The following MAP3K7CL variants were observed in gnomAD, a reference collection of about 807,000 sequenced individuals.
The protein encoded by MAP3K7CL is MAP3K7 C-terminal-like protein.
MAP3K7CL carries 16 observed loss-of-function variants against 18.6 expected under a neutral mutation model. The observed-to-expected ratio is 0.86, with a 90% confidence interval of 0.58 to 1.31. The LOEUF (loss-of-function observed/expected upper bound fraction) is 1.31. Ranked by LOEUF, MAP3K7CL falls within the 50% of genes most tolerant of loss-of-function variation. The probability of loss-of-function intolerance (pLI) is 0.00; values close to 1 mark genes in which losing one functional copy is unlikely to be tolerated. For synonymous variants in MAP3K7CL, 65 were observed against 66.8 expected, an observed-to-expected ratio of 0.97 and a Z score of 0.13; for missense variants, 163 against 174.4, an observed-to-expected ratio of 0.93 and a Z score of 0.37.
upstream of MAP3K7CL, among the ~76,000 whole-genome samples, chr21:29,125,710 G>C (rs2086670103): frequency 6.6e-6 from 1 of 152,172 alleles, no homozygotes; most frequent in Non-Finnish European, 1.5e-5. Flanking sequence ...CCTACGAGAA[G>C]GTTTGAGAAG....
chr21:29,100,822 C>G (rs1261830808), intron 4 of MAP3K7CL, among the ~76,000 whole-genome samples: 1 of 148,776 alleles, frequency 6.7e-6, no homozygotes, highest in Non-Finnish European at 1.5e-5. Context: ...CCACCATTCT[C>G]CTGCCTCAGC....
At chr21:29,098,575 C>T (rs971070720) in intron 4 of MAP3K7CL, among the ~76,000 whole-genome samples, 10 of 152,172 alleles carry the variant, frequency 6.6e-5, no homozygotes, top group Non-Finnish European at 1.0e-4. Flanking sequence ...TTCAAAGAAG[C>T]GATCTTCTTT....
chr21:29,143,235 T>G (rs1192620437), intron 2 of MAP3K7CL, among the ~76,000 whole-genome samples: 1 of 152,176 alleles, frequency 6.6e-6, no homozygotes, highest in Middle Eastern at 3.2e-3. Context: ...GGGCGGGCTC[T>G]GTGTGATCAC....
At chr21:29,109,721 C>T in intron 4 of MAP3K7CL, 1 of 985,894 alleles carries the variant, frequency 1.0e-6, no homozygotes, top group Non-Finnish European at 1.2e-6. Context: ...AAACCTTATA[C>T]AAACAGTTAT....
At chr21:29,110,421 G>A (rs1361429301) in intron 4 of MAP3K7CL, among the ~76,000 whole-genome samples, 1 of 151,378 alleles carries the variant, frequency 6.6e-6, no homozygotes, top group Non-Finnish European at 1.5e-5. Context: ...TTTTGAGGCA[G>A]GGTCTCTATC....
At chr21:29,111,137 T>G (rs2086412797) in intron 4 of MAP3K7CL, among the ~76,000 whole-genome samples, 1 of 152,010 alleles carries the variant, frequency 6.6e-6, no homozygotes, top group African/African-American at 2.4e-5. Context: ...GTGCCTGTAG[T>G]CCCAGCTACT....
At chr21:29,102,111 C>G (rs1242026447) in intron 4 of MAP3K7CL, among the ~76,000 whole-genome samples, 2 of 152,242 alleles carry the variant, frequency 1.3e-5, no homozygotes, top group African/African-American at 4.8e-5. Flanking sequence ...ACATGAATCA[C>G]ATTGTGGGGA....
At chr21:29,124,753 T>C (rs978862744) in intron 4 of MAP3K7CL, among the ~76,000 whole-genome samples, 3 of 152,228 alleles carry the variant, frequency 2.0e-5, no homozygotes, top group African/African-American at 7.2e-5. Context: ...TTATATGAAA[T>C]TCTAATATCA....
chr21:29,085,545 T>TAAAAAAAAA (rs33938293), upstream of MAP3K7CL, among the ~76,000 whole-genome samples: 1 of 48,988 alleles, frequency 2.0e-5, no homozygotes, highest in Non-Finnish European at 3.6e-5. Context: ...AGACTCTGTC[T>TAAAAAAAAA]AAAAAAAAAA....
At chr21:29,140,376 G>C (rs993365750) in intron 2 of MAP3K7CL, among the ~76,000 whole-genome samples, 8 of 152,208 alleles carry the variant, frequency 5.3e-5, no homozygotes, top group Non-Finnish European at 1.2e-4. Context: ...CTAAGGAGTA[G>C]TGCTTTTACT....
rs1015719799 is a variant in MAP3K7CL at position 29,175,832 on chromosome 21, A to G, written c.*940A>G. 1.3e-5 allele frequency: 2 copies of G among 152,200 alleles called. No individual in the cohort carries two copies. The highest frequency in any genetic ancestry group is 4.8e-5 in the African/African-American group (2 of 41,450). The allele number at this position is 152,200 out of a possible 1,614,324, so 9.4% of individuals were successfully genotyped here. A position where few individuals can be genotyped will look rare whatever the true frequency, so the allele number is the denominator to read the frequency against. On this transcript the variant is annotated 3_prime_UTR_variant, in exon 5 of 5. Coordinates refer to ENST00000399928, the MANE Select transcript of MAP3K7CL (RefSeq NM_001286620.2). ...ATTTTCTCAAATTGAACTCTTTGTTATATGTCCATTTCTATTCATGTAACT... is the reference window on the plus strand; with the variant it reads ...ATTTTCTCAAATTGAACTCTTTGTTGTATGTCCATTTCTATTCATGTAACT...
chr21:29,160,952 G>A (rs994352301), intron 4 of MAP3K7CL, among the ~76,000 whole-genome samples: 9 of 152,164 alleles, frequency 5.9e-5, no homozygotes, highest in African/African-American at 1.2e-4. Context: ...TATATATCAC[G>A]TGTCACCCTA....
At chr21:29,164,439 A>T (rs1307669380) in intron 4 of MAP3K7CL, among the ~76,000 whole-genome samples, 1 of 152,256 alleles carries the variant, frequency 6.6e-6, no homozygotes, top group African/African-American at 2.4e-5. Context: ...AGAGACGCTA[A>T]CTAAGGTATT....
intron 2 of MAP3K7CL, among the ~76,000 whole-genome samples, chr21:29,145,227 ATGTACT>A (rs1282253320): frequency 6.6e-6 from 1 of 152,178 alleles, no homozygotes; most frequent in African/African-American, 2.4e-5. Flanking sequence ...TTTAATAAAA[ATGTACT>A]TGTGCTGTGA....
intron 2 of MAP3K7CL, among the ~76,000 whole-genome samples, chr21:29,138,259 C>G (rs1298775339): frequency 6.6e-6 from 1 of 152,184 alleles, no homozygotes; most frequent in Non-Finnish European, 1.5e-5. Flanking sequence ...AATGGTAATT[C>G]CCAGAGGCAG....
At chr21:29,141,427 C>T (rs893685248) in intron 2 of MAP3K7CL, among the ~76,000 whole-genome samples, 1 of 151,588 alleles carries the variant, frequency 6.6e-6, no homozygotes, top group Non-Finnish European at 1.5e-5. Flanking sequence ...GCAGGAGAAT[C>T]GCTTGAACCT....
intron 4 of MAP3K7CL, among the ~76,000 whole-genome samples, chr21:29,103,963 AT>A (rs11441509): frequency 2.0e-5 from 3 of 150,744 alleles, no homozygotes; most frequent in South Asian, 2.1e-4. Context: ...TTTTGGAGTA[AT>A]TTTTTTTTTC....
chr21:29,167,541 T>G (rs1165649142), intron 4 of MAP3K7CL, among the ~76,000 whole-genome samples: 1 of 50,264 alleles, frequency 2.0e-5, no homozygotes, highest in African/African-American at 1.3e-4. Context: ...ATTTTAAGTT[T>G]TTTTTTTTAT....
intron 4 of MAP3K7CL, among the ~76,000 whole-genome samples, chr21:29,097,545 T>C (rs980559842): frequency 1.3e-5 from 2 of 152,136 alleles, no homozygotes; most frequent in Non-Finnish European, 2.9e-5. Context: ...AATGATTACT[T>C]CAGTTCTTAG....
Sources: allele counts gnomAD v4.1 joint callset (sites outside exome capture counted in the v4.1 genomes callset), GRCh38; gene constraint gnomAD v4.1.1; transcripts MANE v1.5; gene names NCBI Gene and HGNC (gene_info 2026-07-23, HGNC 2026-07-21).